Variants in PINX1 observed in about 807,000 individuals in gnomAD.
PINX1 encodes the protein PIN2/TERF1-interacting telomerase inhibitor 1.
PINX1 carries 34 observed loss-of-function variants against 25.4 expected under a neutral mutation model. That is an observed-to-expected ratio of 1.34 (90% CI 1.02 to 1.78). The LOEUF (loss-of-function observed/expected upper bound fraction) is 1.78. Among genes scored for constraint, PINX1 ranks in the 40% most tolerant of loss-of-function variants. The probability of loss-of-function intolerance (pLI) is 0.00; values close to 1 mark genes in which losing one functional copy is unlikely to be tolerated. For synonymous variants in PINX1, 197 were observed against 147.7 expected, an observed-to-expected ratio of 1.33 and a Z score of -2.42; for missense variants, 592 against 404.9, an observed-to-expected ratio of 1.46 and a Z score of -3.97.
At chr8:10,805,250 G>A (rs992012870) in intron 6 of PINX1, among the ~76,000 whole-genome samples, 1 of 152,194 alleles carries the variant, frequency 6.6e-6, no homozygotes, top group African/African-American at 2.4e-5. Context: ...CAGCCTGCTG[G>A]CTACAGGAGG....
chr8:10,833,838 G>T (rs73531553), intron 2 of PINX1: 2,758 of 128,112 alleles, frequency 0.022, 1 homozygote, highest in African/African-American at 0.035. Flanking sequence ...TCTGGCTTGT[G>T]TAAGTGGCAG....
At chr8:10,830,637 C>T (rs1798200835) in intron 4 of PINX1, among the ~76,000 whole-genome samples, 1 of 152,096 alleles carries the variant, frequency 6.6e-6, no homozygotes. Flanking sequence ...CAGATTACAA[C>T]AAAATCCAAT....
chr8:10,833,337 G>A (rs1798284468), intron 2 of PINX1, among the ~76,000 whole-genome samples: 1 of 152,170 alleles, frequency 6.6e-6, no homozygotes, highest in South Asian at 2.1e-4. Context: ...GGAGGAATTT[G>A]GATTTTATTT....
chr8:10,772,795 G>A (rs974270823), intron 6 of PINX1, among the ~76,000 whole-genome samples: 5 of 152,216 alleles, frequency 3.3e-5, no homozygotes, highest in African/African-American at 1.2e-4. Context: ...CACAGAAATT[G>A]TGTGTGCGTG....
At chr8:10,790,396 C>T (rs1365381146) in intron 6 of PINX1, among the ~76,000 whole-genome samples, 1 of 152,138 alleles carries the variant, frequency 6.6e-6, no homozygotes, top group Non-Finnish European at 1.5e-5. Context: ...AAGTTAACAG[C>T]ACGAGCGATG....
At position 10,775,410 on chromosome 8, in the gene PINX1, G is replaced by GGTTTTTTTTTGTTTTTTTTTTTTT. The variant is rs1563203196; in HGVS notation, c.472-9495_472-9494insAAAAAAAAAAAAACAAAAAAAAAC. On this transcript the variant is annotated intron_variant, in intron 6 of 6. Transcript: ENST00000314787. ...AAGGATTAGTTCTGTCTGTTTTGTGGTTTTTTTTTTTTTTTTTTTTTTTTT... is the reference window on the plus strand; with the variant it reads ...AAGGATTAGTTCTGTCTGTTTTGTGGGTTTTTTTTTGTTTTTTTTTTTTTTTTTTTTTTTTTTTTTTTTTTTTTT... Among the ~76,000 whole-genome samples, 2 of 109,594 alleles carry GGTTTTTTTTTGTTTTTTTTTTTTT rather than the reference G, an allele frequency of 1.8e-5. 1 individual carries two copies. The highest frequency in any genetic ancestry group is 6.4e-5 in the African/African-American group (2 of 31,158). 71.9% of individuals were successfully genotyped at this position (109,594 alleles called of 152,430 possible).
intron 6 of PINX1, among the ~76,000 whole-genome samples, chr8:10,789,380 A>G (rs892511885): frequency 6.6e-6 from 1 of 152,250 alleles, no homozygotes; most frequent in African/African-American, 2.4e-5. Flanking sequence ...TGATCCCCAC[A>G]GTCAAGCTAA....
At chr8:10,818,721 T>G (rs1278007477) in intron 6 of PINX1, among the ~76,000 whole-genome samples, 5 of 151,802 alleles carry the variant, frequency 3.3e-5, no homozygotes, top group African/African-American at 1.2e-4. Flanking sequence ...GACGTGGAGT[T>G]GATACAAAGG....
intron 5 of PINX1, among the ~76,000 whole-genome samples, chr8:10,821,184 T>A (rs1322768536): frequency 6.6e-6 from 1 of 152,232 alleles, no homozygotes; most frequent in Admixed American, 6.5e-5. Flanking sequence ...GGAAGCCGAG[T>A]TCCACCGTCA....
chr8:10,803,930 C>G (rs777724842), intron 6 of PINX1, among the ~76,000 whole-genome samples: 1 of 152,138 alleles, frequency 6.6e-6, no homozygotes, highest in African/African-American at 2.4e-5. Flanking sequence ...GGAAATCAAC[C>G]TGCAATGTAA....
chr8:10,832,672 T>C (rs1337268162), intron 3 of PINX1, among the ~76,000 whole-genome samples: 8 of 152,320 alleles, frequency 5.3e-5, no homozygotes, highest in African/African-American at 1.4e-4. Flanking sequence ...GTTTAGATCC[T>C]TTCCAAAAGG....
intron 6 of PINX1, among the ~76,000 whole-genome samples, chr8:10,798,138 G>C (rs974836681): frequency 1.3e-5 from 2 of 152,222 alleles, no homozygotes; most frequent in African/African-American, 4.8e-5. Context: ...TAGGACACGG[G>C]TAGGCTGCCT....
chr8:10,770,620 A>G (rs1181451005), intron 6 of PINX1, among the ~76,000 whole-genome samples: 2 of 152,218 alleles, frequency 1.3e-5, no homozygotes, highest in East Asian at 1.9e-4. Flanking sequence ...ATGTATACTG[A>G]GATGGATTAT....
chr8:10,836,578 T>C (rs1207410148), intron 1 of PINX1, among the ~76,000 whole-genome samples: 3 of 150,152 alleles, frequency 2.0e-5, no homozygotes, highest in African/African-American at 7.4e-5. Flanking sequence ...AAACAAACTA[T>C]AATGCCTACA....
At chr8:10,804,753 A>T (rs1802385008) in intron 6 of PINX1, among the ~76,000 whole-genome samples, 1 of 151,926 alleles carries the variant, frequency 6.6e-6, no homozygotes, top group South Asian at 2.1e-4. Flanking sequence ...TGTCAAAAGA[A>T]AAAAAAAGAA....
At chr8:10,786,588 A>G (rs769234235) in intron 6 of PINX1, among the ~76,000 whole-genome samples, 1 of 152,178 alleles carries the variant, frequency 6.6e-6, no homozygotes, top group Non-Finnish European at 1.5e-5. Context: ...GGCTCACCCC[A>G]CAGGGTTGGA....
At chr8:10,779,752 A>T (rs889875082) in intron 6 of PINX1, among the ~76,000 whole-genome samples, 3 of 152,242 alleles carry the variant, frequency 2.0e-5, no homozygotes, top group Non-Finnish European at 4.4e-5. Flanking sequence ...TGGCAATATG[A>T]CTATAAACTC....
At chr8:10,834,497 G>A (rs1798333548) in intron 2 of PINX1, 169 bp downstream of exon 2, 1 of 974,700 alleles carries the variant, frequency 1.0e-6, no homozygotes, top group African/African-American at 1.7e-5. Flanking sequence ...TGACACTTAT[G>A]TCCAATCCTA....
intron 4 of PINX1, among the ~76,000 whole-genome samples, chr8:10,827,188 G>C (rs556525493): frequency 6.6e-6 from 1 of 152,148 alleles, no homozygotes; most frequent in African/African-American, 2.4e-5. Context: ...AAAATAAAAA[G>C]TTCCTTTAAA....
Sources: allele counts gnomAD v4.1 joint callset (sites outside exome capture counted in the v4.1 genomes callset), GRCh38; gene constraint gnomAD v4.1.1; transcripts MANE v1.5; gene names NCBI Gene and HGNC (gene_info 2026-07-23, HGNC 2026-07-21).